Variants in EMILIN2 observed in about 807,000 individuals in gnomAD.
EMILIN2 encodes the protein EMILIN-2.
Under a neutral mutation model 87.1 loss-of-function variants are expected in EMILIN2, and 71 were observed. The observed-to-expected ratio is 0.82, with a 90% CI of 0.67 to 0.99. EMILIN2 has a LOEUF of 0.99. Ranked by LOEUF, EMILIN2 falls within the 50% of genes least tolerant of loss-of-function variation. EMILIN2 has a pLI of 0.00. For synonymous variants in EMILIN2, 581 were observed against 563.4 expected (o/e 1.03, Z -0.44); for missense variants, 1,407 against 1,371.8 (o/e 1.03, Z -0.40).
chr18:2,912,080 C>T (rs2076943813), intron 7 of EMILIN2, among the ~76,000 whole-genome samples: 1 of 148,426 alleles, frequency 6.7e-6, no homozygotes, highest in Non-Finnish European at 1.5e-5. Flanking sequence ...GTTCTGTCAC[C>T]CAGGCTGGAG....
rs1598498873 is a variant in EMILIN2 at position 2,890,499 on chromosome 18, T to C, written c.434-62T>C. ...TTTTGTAGGTACCTTGTTTATTGTC[T>C]TGGCAGAATCTGGCTAAAGGTAGAA... On this transcript the variant is annotated intron_variant, in intron 3 of 7. Coordinates refer to ENST00000254528, the MANE Select transcript of EMILIN2 (RefSeq NM_032048.3). The surrounding 1 kb of genome is among the most constrained non-coding windows in gnomAD (Gnocchi z 4.7). 6.6e-7 allele frequency: 1 copy of C among 1,511,242 alleles called. No homozygotes were observed. Among genetic ancestry groups the C allele is most frequent in the Non-Finnish European group, 8.9e-7 (1 of 1,129,796 alleles). The allele number at this position is 1,511,242 out of a possible 1,614,324, so 93.6% of individuals were successfully genotyped here.
At position 2,890,287 on chromosome 18, in the gene EMILIN2, T is replaced by C. The variant is rs2076827912; in HGVS notation, c.434-274T>C. Reference sequence around the variant, plus strand: ...ATTATTTTAACAGCTCTAGAAGCTGTTCTTCTTTATAGATGAGAGGATTAT... The same window carrying C: ...ATTATTTTAACAGCTCTAGAAGCTGCTCTTCTTTATAGATGAGAGGATTAT... On this transcript the variant is annotated intron_variant, in intron 3 of 7. Transcript: ENST00000254528. The surrounding 1 kb of genome is among the most constrained non-coding windows in gnomAD (Gnocchi z 4.7). 6.6e-6 allele frequency among the ~76,000 whole-genome samples: 1 copy of C among 152,194 alleles called. No individual in the cohort carries two copies. Among genetic ancestry groups the C allele is most frequent in the African/African-American group, 2.4e-5 (1 of 41,448 alleles).
At chr18:2,910,045 T>C (rs758758807) in intron 7 of EMILIN2, among the ~76,000 whole-genome samples, 6 of 152,200 alleles carry the variant, frequency 3.9e-5, no homozygotes, top group Non-Finnish European at 5.9e-5. Flanking sequence ...TGTAACATTT[T>C]CTAGTCGTGA....
At chr18:2,889,183 A>G (rs1372488352) in intron 3 of EMILIN2, among the ~76,000 whole-genome samples, 2 of 124,574 alleles carry the variant, frequency 1.6e-5, no homozygotes, top group Non-Finnish European at 3.1e-5. Context: ...TGTTGCCCAG[A>G]CTGGAGTACA....
chr18:2,852,351 GT>G lies in EMILIN2; in HGVS notation c.257+4421del, dbSNP rs1201149758. 2.6e-5 allele frequency among the ~76,000 whole-genome samples: 4 copies of G among 152,296 alleles called. No individual in the cohort carries two copies. In the East Asian group the frequency reaches 7.7e-4, roughly 29 times the overall value. ...GTTATCGGACATACTGCATGGACCA[GT>G]GAGCTCGACCGCTTCAGGACTTCCA... On this transcript the variant is annotated intron_variant, in intron 2 of 7. Coordinates refer to ENST00000254528, the MANE Select transcript of EMILIN2 (RefSeq NM_032048.3).
intron 6 of EMILIN2, among the ~76,000 whole-genome samples, chr18:2,909,313 T>A (rs1240998078): frequency 6.6e-6 from 1 of 152,190 alleles, no homozygotes; most frequent in Admixed American, 6.5e-5. Flanking sequence ...TTTTACTGAT[T>A]TATTAGTAAG....
chr18:2,909,812 C>T lies in EMILIN2; in HGVS notation c.2817C>T (p.Pro939=). The part of the protein sequence containing the change: ...VLVNDGDVYN[P]STGVFTAPYD... ...TGAACGACGGGGATGTTTACAACCCCAGCACCGGTGAGTGTTTGAACGGAA... is the reference window on the plus strand; with the variant it reads ...TGAACGACGGGGATGTTTACAACCCTAGCACCGGTGAGTGTTTGAACGGAA... The change falls in exon 7 of 8, where the codon CCC becomes CCT. Residue 939 remains proline (P), a synonymous_variant. Transcript: ENST00000254528. The T allele has an allele frequency of 6.2e-7, 1 of 1,613,304 alleles. No individual in the cohort carries two copies. The highest frequency in any genetic ancestry group is 8.5e-7 in the Non-Finnish European group (1 of 1,179,654).
rs755103434 is a variant in EMILIN2 at position 2,891,108 on chromosome 18, G to A, written c.981G>A (p.Glu327=). Residue 327 remains glutamate (E), a synonymous_variant, in exon 4 of 8, where the codon GAG becomes GAA. Transcript: ENST00000254528. The surrounding 1 kb of genome is among the most constrained non-coding windows in gnomAD (Gnocchi z 4.6). Reference sequence around the variant, plus strand: ...ACAGTAAGATCGACGCCCTGAGAGAGGAGCTCATGGAGGGCATGGACAGAA... The same window carrying A: ...ACAGTAAGATCGACGCCCTGAGAGAAGAGCTCATGGAGGGCATGGACAGAA... ...YVDSKIDALR[E]ELMEGMDRKL... is the part of the protein sequence containing the mutation. 3.1e-6 allele frequency: 5 copies of A among 1,614,192 alleles called. No individual in the cohort carries two copies. Among genetic ancestry groups the A allele is most frequent in the Non-Finnish European group, 4.2e-6 (5 of 1,180,044 alleles).
intron 2 of EMILIN2, among the ~76,000 whole-genome samples, chr18:2,867,985 C>A (rs1464896782): frequency 6.7e-6 from 1 of 150,032 alleles, no homozygotes; most frequent in African/African-American, 2.5e-5. Flanking sequence ...GGGGGCTGAC[C>A]CCCCCACCTC....
At chr18:2,885,925 A>G (rs2076801480) in intron 3 of EMILIN2, among the ~76,000 whole-genome samples, 1 of 152,220 alleles carries the variant, frequency 6.6e-6, no homozygotes, top group Non-Finnish European at 1.5e-5. Flanking sequence ...TCAGGTTTGA[A>G]ACTCGTAGTT....
In EMILIN2 at chr18:2,913,607, C is replaced by T; in HGVS notation, c.*203C>T. The T allele has an allele frequency of 5.5e-6, 3 of 545,892 alleles. No individual in the cohort carries two copies. Among genetic ancestry groups the T allele is most frequent in the South Asian group, 2.5e-5 (1 of 39,700 alleles). 33.8% of individuals were successfully genotyped at this position (545,892 alleles called of 1,614,324 possible). A position where few individuals can be genotyped will look rare whatever the true frequency, so the allele number is the denominator to read the frequency against. Reference sequence around the variant, plus strand: ...GAGTGAGGCACACGGTGAACATGGCCACTGACTTTTCTGCCACTCTAACTG... The same window carrying T: ...GAGTGAGGCACACGGTGAACATGGCTACTGACTTTTCTGCCACTCTAACTG... On this transcript the variant is annotated 3_prime_UTR_variant, in exon 8 of 8. Transcript: ENST00000254528.
In EMILIN2 at chr18:2,869,994, A is replaced by C. The variant is rs549241040; in HGVS notation, c.258-14970A>C. ...TGGTGGCTCACACCTGTAACACGAC[A>C]CTTTGGGAGGCTGAGGCAGGTGGAT... On this transcript the variant is annotated intron_variant, in intron 2 of 7. Coordinates refer to ENST00000254528, the MANE Select transcript of EMILIN2 (RefSeq NM_032048.3). Among the ~76,000 whole-genome samples the C allele has an allele frequency of 2.0e-5, 3 of 152,288 alleles. No individual in the cohort carries two copies. In the South Asian group the frequency reaches 6.2e-4, roughly 32 times the overall value.
At chr18:2,877,966 T>C (rs915337793) in intron 2 of EMILIN2, among the ~76,000 whole-genome samples, 1 of 152,158 alleles carries the variant, frequency 6.6e-6, no homozygotes, top group Non-Finnish European at 1.5e-5. Context: ...ACAAATACTC[T>C]ATGATTGCAC....
At chr18:2,868,775 C>CCGTGGAAAGAGGAGAG (rs2076703894) in intron 2 of EMILIN2, among the ~76,000 whole-genome samples, 1 of 151,632 alleles carries the variant, frequency 6.6e-6, no homozygotes, top group African/African-American at 2.4e-5. Flanking sequence ...CGGCATCAGA[C>CCGTGGAAAGAGGAGAG]GGAGACCGTG....
intron 2 of EMILIN2, among the ~76,000 whole-genome samples, chr18:2,868,690 G>T (rs1051269986): frequency 7.9e-5 from 12 of 152,258 alleles, no homozygotes; most frequent in Admixed American, 2.0e-4. Flanking sequence ...CAGGCACTCG[G>T]CAGGCTGAGG....
intron 3 of EMILIN2, 87 bp downstream of exon 3, chr18:2,885,226 T>C (rs1437593360): frequency 2.1e-6 from 3 of 1,415,106 alleles, no homozygotes; most frequent in Non-Finnish European, 2.8e-6. Flanking sequence ...TTTACAATGG[T>C]GAGCTTTGAA....
chr18:2,862,380 T>C (rs984166740), intron 2 of EMILIN2, among the ~76,000 whole-genome samples: 3 of 152,216 alleles, frequency 2.0e-5, no homozygotes, highest in African/African-American at 7.2e-5. Flanking sequence ...TTGTCATAGA[T>C]AGCTCTTATT....
chr18:2,862,548 C>G (rs914268491), intron 2 of EMILIN2, among the ~76,000 whole-genome samples: 1 of 152,170 alleles, frequency 6.6e-6, no homozygotes, highest in East Asian at 1.9e-4. Context: ...GTTGAACCAG[C>G]CTTGCATCCC....
At chr18:2,855,357 G>T (rs1033765140) in intron 2 of EMILIN2, among the ~76,000 whole-genome samples, 3 of 152,240 alleles carry the variant, frequency 2.0e-5, no homozygotes, top group African/African-American at 7.2e-5. Flanking sequence ...ACTAGGCAGG[G>T]CCGAGACTGG....
Sources: allele counts gnomAD v4.1 joint callset (sites outside exome capture counted in the v4.1 genomes callset), GRCh38; gene constraint gnomAD v4.1.1; non-coding constraint Gnocchi (gnomAD v3.1); transcripts MANE v1.5; gene names NCBI Gene and HGNC (gene_info 2026-07-23, HGNC 2026-07-21).